Variants in RARB observed in about 807,000 individuals in gnomAD.
RARB encodes the protein retinoic acid receptor beta.
In RARB, 17 loss-of-function variants were observed where a neutral mutation model predicts 51.9. The ratio of observed to expected loss-of-function variants is 0.33; its 90% confidence interval spans 0.22 to 0.49. The LOEUF (loss-of-function observed/expected upper bound fraction) is 0.49, where lower values mean the gene tolerates loss of function less well. RARB is among the 20% of genes least tolerant of loss of function. The probability of loss-of-function intolerance (pLI) is 0.99; values close to 1 mark genes in which losing one functional copy is unlikely to be tolerated. For missense variants in RARB, 369 were observed against 550.8 expected (o/e 0.67, Z 3.30); for synonymous variants, 215 against 195.4 (o/e 1.10, Z -0.84).
chr3:24,973,397 G>C (rs567828645), intron 2 of RARB, among the ~76,000 whole-genome samples: 17 of 152,098 alleles, frequency 1.1e-4, no homozygotes, highest in South Asian at 2.1e-4. Flanking sequence ...AAGTACAATA[G>C]TATAATGCCC....
chr3:25,247,656 G>A (rs983626740), intron 5 of RARB, among the ~76,000 whole-genome samples: 6 of 152,218 alleles, frequency 3.9e-5, no homozygotes, highest in Non-Finnish European at 8.8e-5. Context: ...TGCACCCACT[G>A]TCTAACCAAT....
chr3:25,358,297 A>T (rs752415988), intron 5 of RARB, among the ~76,000 whole-genome samples: 1 of 152,166 alleles, frequency 6.6e-6, no homozygotes, highest in Non-Finnish European at 1.5e-5. Context: ...TTATTGGTGT[A>T]TAGGAGTACT....
intron 3 of RARB, among the ~76,000 whole-genome samples, chr3:25,555,986 G>T (rs927965216): frequency 1.5e-4 from 23 of 149,002 alleles, no homozygotes; most frequent in Non-Finnish European, 3.0e-4. Flanking sequence ...CGTTTTGTAT[G>T]TTGTTTCTTG....
intron 2 of RARB, among the ~76,000 whole-genome samples, chr3:25,005,946 C>T (rs948735685): frequency 1.3e-5 from 2 of 152,104 alleles, no homozygotes; most frequent in Non-Finnish European, 2.9e-5. Flanking sequence ...CTCTTTGCCC[C>T]TTTCTTATAT....
intron 2 of RARB, among the ~76,000 whole-genome samples, chr3:25,465,742 TTTTGTG>T (rs1346125925): frequency 1.3e-5 from 2 of 152,160 alleles, no homozygotes; most frequent in Non-Finnish European, 2.9e-5. Context: ...CGATGGCAGT[TTTTGTG>T]TAGGGGACAA....
rs1223160745 is a variant in RARB, at chr3:25,578,009, G to A, written c.610-2537G>A. Among the ~76,000 whole-genome samples, 3 of 152,318 alleles carry A rather than the reference G, an allele frequency of 2.0e-5. No individual in the cohort carries two copies. The East Asian group carries it at 5.8e-4, about 29-fold the overall frequency. On this transcript the variant is annotated intron_variant, in intron 4 of 7. Transcript: ENST00000330688. Reference sequence around the variant, plus strand: ...GAGAGCCCCTTGCCCTTCTGGCTTGGCTGTTTTCCTCATCAGCCTGCCTCA... The same window carrying A: ...GAGAGCCCCTTGCCCTTCTGGCTTGACTGTTTTCCTCATCAGCCTGCCTCA...
At chr3:25,116,997 A>T (rs1333613815) in intron 3 of RARB, among the ~76,000 whole-genome samples, 2 of 152,188 alleles carry the variant, frequency 1.3e-5, no homozygotes, top group Admixed American at 1.3e-4. Flanking sequence ...TGTTTCATTA[A>T]ATTTGTGGGT....
Position 25,596,440 on chromosome 3 carries a change from T to C in RARB, c.1171T>C (p.Leu391=). 6.2e-7 allele frequency: 1 copy of C among 1,612,574 alleles called. No individual in the cohort carries two copies. The highest frequency in any genetic ancestry group is 1.1e-5 in the South Asian group (1 of 91,038). Residue 391 remains leucine (L), a synonymous_variant, in exon 8 of 8, where the codon TTG becomes CTG. Coordinates refer to ENST00000330688, the MANE Select transcript of RARB (RefSeq NM_000965.5). The part of the protein sequence containing the change: ...SAKGAERVIT[L]KMEIPGSMPP... ...AAAAGGTGCAGAGCGTGTAATTACC[T>C]TGAAAATGGAAATTCCTGGATCAAT...
At chr3:25,487,472 CT>C (rs57189635) in intron 2 of RARB, among the ~76,000 whole-genome samples, 112,986 of 142,228 alleles carry the variant, frequency 0.79, 46,150 homozygotes, top group South Asian at 0.97. Flanking sequence ...ATGTCCGGCA[CT>C]TTTTTTTTTT....
chr3:24,869,597 T>A (rs1354959368), intron 2 of RARB, among the ~76,000 whole-genome samples: 1 of 152,156 alleles, frequency 6.6e-6, no homozygotes, highest in African/African-American at 2.4e-5. Context: ...AATTGACAGT[T>A]GTATGAATTT....
At chr3:25,381,648 G>A (rs113548644) in intron 5 of RARB, among the ~76,000 whole-genome samples, 16 of 152,284 alleles carry the variant, frequency 1.1e-4, no homozygotes, top group African/African-American at 3.9e-4. Context: ...CCTTGCATGT[G>A]TGCATATGGA....
rs575034137 is a variant in RARB at position 25,127,605 on chromosome 3, G to T, written c.-327-4556G>T. ...ACACTAGGTTATAAGCTCCACAGGG[G>T]CTCCATGTTTAGTAAAGGGGAGGAG... On this transcript the variant is annotated intron_variant, in intron 3 of 11. Transcript: ENST00000383772. 3.9e-5 allele frequency among the ~76,000 whole-genome samples: 6 copies of T among 152,164 alleles called. No individual in the cohort carries two copies. In the South Asian group the frequency reaches 1.0e-3, roughly 26 times the overall value.
At chr3:25,280,642 T>C (rs1283988328) in intron 5 of RARB, among the ~76,000 whole-genome samples, 3 of 152,200 alleles carry the variant, frequency 2.0e-5, no homozygotes, top group East Asian at 1.9e-4. Flanking sequence ...GAGACACAGA[T>C]GTTACGTCAA....
At chr3:24,965,166 CAT>C (rs1054086026) in intron 2 of RARB, among the ~76,000 whole-genome samples, 22 of 152,096 alleles carry the variant, frequency 1.4e-4, no homozygotes, top group Admixed American at 2.6e-4. Flanking sequence ...ATGACATCAT[CAT>C]GTGTGGAGTT....
chr3:25,255,932 T>C (rs974148178), intron 5 of RARB, among the ~76,000 whole-genome samples: 2 of 152,164 alleles, frequency 1.3e-5, no homozygotes, highest in African/African-American at 4.8e-5. Flanking sequence ...TTCCCACAGG[T>C]TTACTGATTT....
intron 2 of RARB, among the ~76,000 whole-genome samples, chr3:25,036,222 C>G (rs17015641): frequency 6.6e-6 from 1 of 152,044 alleles, no homozygotes; most frequent in African/African-American, 2.4e-5. Context: ...AACCTCCTTG[C>G]GGCAGTTGTA....
chr3:25,445,099 A>G (rs747125206), intron 1 of RARB, among the ~76,000 whole-genome samples: 2 of 152,012 alleles, frequency 1.3e-5, no homozygotes, highest in South Asian at 2.1e-4. Flanking sequence ...ACAAGCACAC[A>G]TGACCACACC....
rs920251387 is a variant in RARB, at chr3:25,456,635, C to T, written c.158-4558C>T. Reference sequence around the variant, plus strand: ...CATAGAGGAAATAAAAGACCACTGACCATCAATTCTGAGGGTGATATTTGA... The same window carrying T: ...CATAGAGGAAATAAAAGACCACTGATCATCAATTCTGAGGGTGATATTTGA... On this transcript the variant is annotated intron_variant, in intron 1 of 7. Transcript: ENST00000330688. 3.5e-5 allele frequency among the ~76,000 whole-genome samples: 4 copies of T among 114,530 alleles called. No homozygotes were observed. The East Asian group carries it at 1.1e-3, about 30-fold the overall frequency. The allele number at this position is 114,530 out of a possible 152,430, so 75.1% of individuals were successfully genotyped here. A position where few individuals can be genotyped will look rare whatever the true frequency, so the allele number is the denominator to read the frequency against.
intron 5 of RARB, among the ~76,000 whole-genome samples, chr3:25,281,368 G>A (rs1703517769): frequency 6.6e-6 from 1 of 152,216 alleles, no homozygotes; most frequent in African/African-American, 2.4e-5. Flanking sequence ...TACTCCTTGT[G>A]TATAGTTCAA....
Sources: allele counts gnomAD v4.1 joint callset (sites outside exome capture counted in the v4.1 genomes callset), GRCh38; gene constraint gnomAD v4.1.1; transcripts MANE v1.5; gene names NCBI Gene and HGNC (gene_info 2026-07-23, HGNC 2026-07-21).